Variants in VPS8 observed in about 807,000 individuals in gnomAD.
The protein encoded by VPS8 is vacuolar protein sorting-associated protein 8 homolog.
A neutral mutation model predicts 216.4 loss-of-function variants in VPS8; 129 were observed. The observed-to-expected ratio is 0.60, with a 90% CI of 0.52 to 0.69. The LOEUF is 0.69. Among genes scored for constraint, VPS8 ranks in the 30% least tolerant of loss-of-function variants. The pLI is 0.00. For synonymous variants in VPS8, 571 were observed against 565.4 expected, an observed-to-expected ratio of 1.01 and a Z score of -0.14; for missense variants, 1,531 against 1,683.5, an observed-to-expected ratio of 0.91 and a Z score of 1.59.
intron 15 of VPS8, among the ~76,000 whole-genome samples, chr3:184,860,346 T>TAA (rs11478298): frequency 6.8e-6 from 1 of 146,368 alleles, no homozygotes; most frequent in Non-Finnish European, 1.5e-5. Flanking sequence ...CCCTGTCTCT[T>TAA]AAAAAAAAAA....
At chr3:184,992,084 C>T (rs183855775) in intron 42 of VPS8, among the ~76,000 whole-genome samples, 44 of 152,328 alleles carry the variant, frequency 2.9e-4, no homozygotes, top group Non-Finnish European at 5.1e-4. Context: ...TCTCATGCTG[C>T]TCTAGACAGA....
chr3:184,926,731 C>T, intron 31 of VPS8, 81 bp downstream of exon 31: 1 of 1,369,794 alleles, frequency 7.3e-7, no homozygotes, highest in Non-Finnish European at 1.0e-6. Flanking sequence ...CTAGACCTCA[C>T]TACACATGAG....
intron 1 of VPS8, among the ~76,000 whole-genome samples, chr3:184,820,148 TTAG>T (rs1370433128): frequency 1.3e-5 from 2 of 152,172 alleles, no homozygotes; most frequent in Non-Finnish European, 2.9e-5. Flanking sequence ...TACCGTAAAG[TTAG>T]TAGTATAAAA....
intron 3 of VPS8, among the ~76,000 whole-genome samples, chr3:184,826,564 C>G (rs957353311): frequency 1.3e-5 from 2 of 152,212 alleles, no homozygotes; most frequent in East Asian, 1.9e-4. Flanking sequence ...CATAAACCAT[C>G]TCTTGTTCAT....
chr3:184,833,201 T>G (rs1480036589), intron 4 of VPS8, among the ~76,000 whole-genome samples: 2 of 152,128 alleles, frequency 1.3e-5, no homozygotes, highest in Admixed American at 1.3e-4. Context: ...CCTTCCTTCA[T>G]GCTCTTGGAG....
chr3:184,965,458 T>C (rs993359326), intron 38 of VPS8, among the ~76,000 whole-genome samples: 3 of 152,172 alleles, frequency 2.0e-5, no homozygotes, highest in African/African-American at 7.2e-5. Flanking sequence ...CTGTGGGGCA[T>C]GAGGCCATCA....
chr3:184,934,176 G>GTTTT (rs1159712162), intron 34 of VPS8, among the ~76,000 whole-genome samples: 1 of 151,056 alleles, frequency 6.6e-6, no homozygotes. Context: ...GTTTTGTTTT[G>GTTTT]TTTTTTTTGA....
chr3:185,011,387 A>G (rs995163492), intron 45 of VPS8, among the ~76,000 whole-genome samples: 4 of 152,204 alleles, frequency 2.6e-5, no homozygotes, highest in Admixed American at 1.3e-4. Flanking sequence ...TTGAATACCA[A>G]GTATCATTCT....
At chr3:185,050,821 G>T (rs1463712313) in intron 47 of VPS8, among the ~76,000 whole-genome samples, 1 of 152,106 alleles carries the variant, frequency 6.6e-6, no homozygotes, top group Non-Finnish European at 1.5e-5. Context: ...CCATGGACCA[G>T]GCTTTCACTG....
chr3:184,976,823 C>A (rs563850929), intron 40 of VPS8, among the ~76,000 whole-genome samples: 8 of 152,132 alleles, frequency 5.3e-5, no homozygotes, highest in Admixed American at 5.2e-4. Flanking sequence ...CATAGTATTC[C>A]ATGGTGTATA....
intron 36 of VPS8, among the ~76,000 whole-genome samples, chr3:184,950,482 A>C (rs78770270): frequency 0.01 from 1,566 of 152,056 alleles, 29 homozygotes; most frequent in African/African-American, 0.035. Context: ...ATTTAGATAC[A>C]GTTTTTAGAG....
intron 34 of VPS8, among the ~76,000 whole-genome samples, chr3:184,933,762 C>T (rs562314935): frequency 2.2e-4 from 34 of 152,272 alleles, no homozygotes; most frequent in African/African-American, 7.0e-4. Flanking sequence ...AGCAATGCTA[C>T]CTTTGTGATG....
chr3:184,816,041 C>G (rs1716250472), intron 1 of VPS8: 1 of 152,140 alleles, frequency 6.6e-6, no homozygotes. Context: ...TTTCAGCGTA[C>G]ACAAGGCCCT....
intron 39 of VPS8, among the ~76,000 whole-genome samples, chr3:184,968,287 A>G (rs369709785): frequency 2.0e-3 from 298 of 152,266 alleles, no homozygotes; most frequent in South Asian, 3.5e-3. Flanking sequence ...TCATCCTTCA[A>G]TGGACACTTG....
At chr3:185,016,988 C>G (rs983414725) in intron 45 of VPS8, among the ~76,000 whole-genome samples, 14 of 151,864 alleles carry the variant, frequency 9.2e-5, no homozygotes, top group Admixed American at 8.5e-4. Context: ...GAAGCGGTTC[C>G]TTCAAACCTT....
At chr3:184,851,338 T>C (rs1305640350) in intron 10 of VPS8, among the ~76,000 whole-genome samples, 3 of 152,138 alleles carry the variant, frequency 2.0e-5, no homozygotes, top group Non-Finnish European at 2.9e-5. Flanking sequence ...ACACATAGGA[T>C]TGAATATTTC....
chr3:184,926,578 C>A lies in VPS8; in HGVS notation c.2575-16C>A. On this transcript the variant is annotated splice_polypyrimidine_tract_variant and intron_variant, in intron 30 of 47. Transcript: ENST00000625842. The stretch of plus-strand genomic sequence containing the variant: ...AGATGCTGATATCAAATAAAAAATA[C>A]TTTTTCTTCGGCCAGGTCCTTGAAT... 6.3e-7 allele frequency: 1 copy of A among 1,576,826 alleles called. No individual in the cohort carries two copies. Among genetic ancestry groups the A allele is most frequent in the Non-Finnish European group, 8.6e-7 (1 of 1,160,998 alleles).
chr3:184,878,771 A>G (rs62286953), intron 21 of VPS8, among the ~76,000 whole-genome samples: 16,707 of 152,204 alleles, frequency 0.11, 1,074 homozygotes, highest in Non-Finnish European at 0.15. Flanking sequence ...AGAAAAATAC[A>G]TACACACATA....
intron 25 of VPS8, among the ~76,000 whole-genome samples, chr3:184,911,576 A>T (rs1736540306): frequency 6.6e-6 from 1 of 152,184 alleles, no homozygotes; most frequent in African/African-American, 2.4e-5. Context: ...AGGAACAGTT[A>T]ATTATGCATT....
Sources: gnomAD v4.1 joint callset for allele counts (sites outside exome capture counted in the v4.1 genomes callset) on GRCh38, gnomAD v4.1.1 for gene constraint, MANE v1.5 for transcripts, NCBI Gene and HGNC (gene_info 2026-07-23, HGNC 2026-07-21) for gene names.